Variants in OSBPL10 observed in about 807,000 individuals in gnomAD.
The protein encoded by OSBPL10 is oxysterol binding protein like 10.
A neutral mutation model predicts 81.7 loss-of-function variants in OSBPL10; 49 were observed. The observed-to-expected ratio is 0.60, with a 90% CI of 0.48 to 0.76. The LOEUF is 0.76. OSBPL10 is among the 30% of genes least tolerant of loss of function. The pLI, the probability that OSBPL10 is intolerant of heterozygous loss-of-function variation, is 0.00. For missense variants in OSBPL10, 923 were observed against 987.8 expected, an observed-to-expected ratio of 0.93 and a Z score of 0.88; for synonymous variants, 419 against 383.6, an observed-to-expected ratio of 1.09 and a Z score of -1.08.
chr3:31,786,384 T>G (rs938348152), intron 4 of OSBPL10, among the ~76,000 whole-genome samples: 25 of 152,216 alleles, frequency 1.6e-4, no homozygotes, highest in African/African-American at 6.0e-4. Flanking sequence ...GACATCTCAG[T>G]CCACTTGGGC....
intron 7 of OSBPL10, among the ~76,000 whole-genome samples, chr3:31,691,940 G>T (rs145611948): frequency 2.0e-5 from 3 of 152,190 alleles, no homozygotes; most frequent in African/African-American, 4.8e-5. Context: ...CACTGCAAAA[G>T]GTTTCTTGAC....
intron 5 of OSBPL10, among the ~76,000 whole-genome samples, chr3:31,740,788 G>GA (rs146640647): frequency 0.051 from 7,244 of 142,846 alleles, 650 homozygotes; most frequent in African/African-American, 0.19. Context: ...TCAAAAAAAA[G>GA]AAAAAAAGAA....
intron 1 of OSBPL10, chr3:31,960,288 T>G (rs1698123606): frequency 6.6e-6 from 1 of 152,016 alleles, no homozygotes; most frequent in African/African-American, 2.4e-5. Context: ...TCCTTCAAAA[T>G]AAGGCTGGAT....
intron 3 of OSBPL10, among the ~76,000 whole-genome samples, chr3:31,869,781 A>T (rs77889790): frequency 1.7e-4 from 26 of 152,312 alleles, no homozygotes; most frequent in Non-Finnish European, 3.2e-4. Flanking sequence ...CCATTTTCTA[A>T]TTTATAAAAA....
In OSBPL10 at chr3:31,730,669, G is replaced by A. The variant is rs76962768; in HGVS notation, c.1095+2588C>T. ...CGACCACAGCTCTCTTCTAACTCACGTATTAAATATGTACAGCTCTTTGAG... is the reference window on the plus strand; with the variant it reads ...CGACCACAGCTCTCTTCTAACTCACATATTAAATATGTACAGCTCTTTGAG... On this transcript the variant is annotated intron_variant, in intron 6 of 11. Transcript: ENST00000396556. 3.4e-3 allele frequency among the ~76,000 whole-genome samples: 519 copies of A among 152,282 alleles called. 1 individual carries two copies. The highest frequency in any genetic ancestry group is 5.7e-3 in the Non-Finnish European group (388 of 68,034).
chr3:31,813,658 C>G (rs13070151), intron 4 of OSBPL10, among the ~76,000 whole-genome samples: 1 of 151,758 alleles, frequency 6.6e-6, no homozygotes, highest in African/African-American at 2.4e-5. Flanking sequence ...GGGGAGGGGA[C>G]GAGGTGCATG....
intron 4 of OSBPL10, among the ~76,000 whole-genome samples, chr3:31,751,367 C>G (rs1045651138): frequency 5.6e-5 from 8 of 143,100 alleles, no homozygotes; most frequent in African/African-American, 2.2e-4. Context: ...AATAAACAAA[C>G]AAACAAACAA....
rs1358903750 is a variant in OSBPL10 at position 31,747,819 on chromosome 3, GA to G, written c.940+90del. ...TAAGGATAGATGGATGGATCGTAGA[GA>G]AATGGATGGAATTAAAGGAGGAAGA... is the stretch of plus-strand genomic sequence containing the variant. On this transcript the variant is annotated intron_variant, in intron 5 of 11. Coordinates refer to ENST00000396556, the MANE Select transcript of OSBPL10 (RefSeq NM_017784.5). 3 of 1,315,582 alleles carry G rather than the reference GA, an allele frequency of 2.3e-6. No homozygotes were observed. In the Admixed American group the frequency reaches 5.1e-5, roughly 22 times the overall value. The allele number at this position is 1,315,582 out of a possible 1,614,324, so 81.5% of individuals were successfully genotyped here.
intron 3 of OSBPL10, among the ~76,000 whole-genome samples, chr3:31,851,401 T>C (rs1389642163): frequency 6.6e-6 from 1 of 152,134 alleles, no homozygotes; most frequent in Non-Finnish European, 1.5e-5. Context: ...CTACCTTTGA[T>C]GAGCAATGGA....
At chr3:31,936,206 T>C (rs1697377180) in intron 1 of OSBPL10, among the ~76,000 whole-genome samples, 1 of 152,238 alleles carries the variant, frequency 6.6e-6, no homozygotes, top group Non-Finnish European at 1.5e-5. Context: ...ATTTTCATTT[T>C]TGTTTTCTTT....
intron 1 of OSBPL10, among the ~76,000 whole-genome samples, chr3:31,889,377 A>C (rs1695830055): frequency 6.6e-6 from 1 of 152,214 alleles, no homozygotes; most frequent in Admixed American, 6.5e-5. Flanking sequence ...TATTCACAAT[A>C]GCCAAGATGT....
intron 1 of OSBPL10, among the ~76,000 whole-genome samples, chr3:31,974,194 G>A (rs1698636527): frequency 6.6e-6 from 1 of 152,182 alleles, no homozygotes; most frequent in Non-Finnish European, 1.5e-5. Flanking sequence ...AACATGTTCA[G>A]CCTCAGTAGT....
At chr3:31,980,802 C>A in intron 1 of OSBPL10, 97 bp downstream of exon 1, 1 of 1,347,608 alleles carries the variant, frequency 7.4e-7, no homozygotes, top group Non-Finnish European at 9.6e-7. Flanking sequence ...CACAATCGCG[C>A]GCGCACACAC....
intron 4 of OSBPL10, among the ~76,000 whole-genome samples, chr3:31,756,607 A>G (rs377243683): frequency 2.0e-5 from 3 of 152,222 alleles, no homozygotes; most frequent in Non-Finnish European, 4.4e-5. Flanking sequence ...TAATTGTATA[A>G]CCTTTGATCA....
intron 11 of OSBPL10, chr3:31,663,468 A>C (rs1304011969): frequency 4.0e-6 from 4 of 989,182 alleles, no homozygotes; most frequent in Middle Eastern, 5.2e-4. Flanking sequence ...CACAACTTCA[A>C]GAGCATAAGG....
chr3:31,823,317 G>A (rs186399923), intron 4 of OSBPL10, among the ~76,000 whole-genome samples: 3 of 152,212 alleles, frequency 2.0e-5, no homozygotes, highest in African/African-American at 4.8e-5. Context: ...TATGCCTAGT[G>A]ATTGTGCAAG....
At chr3:31,929,692 G>A (rs1575040651) in intron 1 of OSBPL10, among the ~76,000 whole-genome samples, 2 of 150,990 alleles carry the variant, frequency 1.3e-5, no homozygotes, top group Admixed American at 1.3e-4. Context: ...AGCTTGCAGT[G>A]AGCCGAGATA....
At chr3:31,994,503 TG>T (rs1333984000) in intron 2 of OSBPL10, among the ~76,000 whole-genome samples, 49 of 151,600 alleles carry the variant, frequency 3.2e-4, no homozygotes, top group East Asian at 1.2e-3. Context: ...GATGGATGGA[TG>T]GATGGATGGA....
chr3:31,851,967 A>G (rs1387602131), intron 3 of OSBPL10, among the ~76,000 whole-genome samples: 3 of 152,198 alleles, frequency 2.0e-5, no homozygotes, highest in African/African-American at 7.2e-5. Context: ...GCCCTTCCCA[A>G]GAGTAAAAGC....
Sources: allele counts gnomAD v4.1 joint callset (sites outside exome capture counted in the v4.1 genomes callset), GRCh38; gene constraint gnomAD v4.1.1; transcripts MANE v1.5; gene names NCBI Gene and HGNC (gene_info 2026-07-23, HGNC 2026-07-21).